The following PDZRN3 variants were observed in gnomAD, a reference collection of about 807,000 sequenced individuals.
The protein encoded by PDZRN3 is E3 ubiquitin-protein ligase PDZRN3.
PDZRN3 carries 38 observed loss-of-function variants against 85.7 expected under a neutral mutation model. The observed-to-expected ratio is 0.44, with a 90% CI of 0.34 to 0.58. PDZRN3 has a LOEUF of 0.58. PDZRN3 is among the 20% of genes least tolerant of loss of function. The pLI, the probability that PDZRN3 is intolerant of heterozygous loss-of-function variation, is 0.01. For synonymous variants in PDZRN3, 759 were observed against 638.0 expected, an observed-to-expected ratio of 1.19 and a Z score of -2.86; for missense variants, 1,629 against 1,506.4, an observed-to-expected ratio of 1.08 and a Z score of -1.35.
intron 3 of PDZRN3, among the ~76,000 whole-genome samples, chr3:73,451,315 T>C (rs1702856822): frequency 6.6e-6 from 1 of 152,186 alleles, no homozygotes; most frequent in Admixed American, 6.5e-5. Context: ...CAGTCAATAT[T>C]TGTGTTGTTG....
chr3:73,421,322 C>G (rs1025200209), intron 3 of PDZRN3, among the ~76,000 whole-genome samples: 1 of 152,150 alleles, frequency 6.6e-6, no homozygotes, highest in Non-Finnish European at 1.5e-5. Flanking sequence ...GAGACTCTTC[C>G]GGGGTCACTC....
intron 3 of PDZRN3, among the ~76,000 whole-genome samples, chr3:73,596,068 G>T (rs1166459334): frequency 6.6e-6 from 1 of 152,070 alleles, no homozygotes; most frequent in Non-Finnish European, 1.5e-5. Flanking sequence ...GATTAACCTG[G>T]AGTATCTTGT....
At chr3:73,464,021 C>T (rs1198867687) in intron 3 of PDZRN3, among the ~76,000 whole-genome samples, 1 of 151,980 alleles carries the variant, frequency 6.6e-6, no homozygotes, top group Non-Finnish European at 1.5e-5. Context: ...AGTCTTACAC[C>T]GTCTCCCGGG....
chr3:73,509,176 A>G (rs1704118890), intron 3 of PDZRN3, among the ~76,000 whole-genome samples: 1 of 152,168 alleles, frequency 6.6e-6, no homozygotes, highest in Admixed American at 6.5e-5. Flanking sequence ...TCCATTTCTT[A>G]TGTGTTTTGA....
chr3:73,552,893 T>C (rs1701595999), intron 3 of PDZRN3, among the ~76,000 whole-genome samples: 1 of 152,240 alleles, frequency 6.6e-6, no homozygotes, highest in African/African-American at 2.4e-5. Flanking sequence ...TGACTCATCA[T>C]GCAGCTTCAG....
At chr3:73,411,496 G>C (rs889730631) in intron 3 of PDZRN3, among the ~76,000 whole-genome samples, 1 of 152,216 alleles carries the variant, frequency 6.6e-6, no homozygotes, top group African/African-American at 2.4e-5. Context: ...CAGTGGGCTA[G>C]AGGCCGTGTC....
intron 8 of PDZRN3, among the ~76,000 whole-genome samples, chr3:73,386,583 C>CCAGCCTGGTATTTTTATAAATAATA (rs1432564558): frequency 1.3e-5 from 2 of 152,226 alleles, no homozygotes; most frequent in East Asian, 3.9e-4. Context: ...TGGGCTGAAT[C>CCAGCCTGGTATTTTTATAAATAATA]CAGCCTGGTA....
At chr3:73,526,426 C>T (rs946376029) in intron 3 of PDZRN3, among the ~76,000 whole-genome samples, 2 of 152,204 alleles carry the variant, frequency 1.3e-5, no homozygotes, top group African/African-American at 4.8e-5. Context: ...GTTTTCTAAG[C>T]CCCAGCCTTG....
chr3:73,408,315 A>G (rs1352287436), intron 3 of PDZRN3: 17 of 661,440 alleles, frequency 2.6e-5, no homozygotes, highest in Admixed American at 2.0e-4. Flanking sequence ...TTTAGATGAG[A>G]TAACTTACTG....
intron 5 of PDZRN3, among the ~76,000 whole-genome samples, chr3:73,398,751 G>A (rs1027764892): frequency 1.3e-5 from 2 of 152,160 alleles, no homozygotes; most frequent in Non-Finnish European, 2.9e-5. Flanking sequence ...ACCCTCAGCA[G>A]GCACCCTTAT....
chr3:73,560,927 T>G (rs1455971946), intron 3 of PDZRN3, among the ~76,000 whole-genome samples: 1 of 152,128 alleles, frequency 6.6e-6, no homozygotes, highest in Non-Finnish European at 1.5e-5. Context: ...ATTTGCTGGG[T>G]CTAGATGGTA....
intron 3 of PDZRN3, among the ~76,000 whole-genome samples, chr3:73,446,374 C>G (rs1702748690): frequency 1.3e-5 from 2 of 152,232 alleles, no homozygotes; most frequent in African/African-American, 4.8e-5. Context: ...ATACCGTGTG[C>G]TCTATACACC....
chr3:73,593,926 AT>A (rs1293525479), intron 3 of PDZRN3: 1 of 152,104 alleles, frequency 6.6e-6, no homozygotes, highest in Non-Finnish European at 1.5e-5. Context: ...ACCATGTTTT[AT>A]TTTTTTGTTT....
intron 3 of PDZRN3, among the ~76,000 whole-genome samples, chr3:73,473,509 CATT>C (rs1703389280): frequency 1.3e-5 from 2 of 151,106 alleles, no homozygotes; most frequent in African/African-American, 4.9e-5. Flanking sequence ...CCCATTTAAA[CATT>C]ATAGGAATTA....
intron 8 of PDZRN3, among the ~76,000 whole-genome samples, 198 bp downstream of exon 8, chr3:73,387,770 A>G (rs1029922476): frequency 6.6e-6 from 1 of 152,146 alleles, no homozygotes; most frequent in African/African-American, 2.4e-5. Context: ...TGCAGTATAG[A>G]TGCCAGGGTG....
chr3:73,400,040 G>C (rs1701718353), intron 5 of PDZRN3, among the ~76,000 whole-genome samples: 1 of 152,106 alleles, frequency 6.6e-6, no homozygotes, highest in Non-Finnish European at 1.5e-5. Context: ...GTATTGGTAG[G>C]ACAGCATAGA....
rs1257458666 is a variant in PDZRN3, at chr3:73,608,615, C to A, written c.793G>T (p.Gly265Cys). The A allele has an allele frequency of 1.4e-5, 23 of 1,611,528 alleles. No homozygotes were observed. The highest frequency in any genetic ancestry group is 1.9e-5 in the Non-Finnish European group (22 of 1,178,016). The change falls in exon 2 of 10, where the codon GGT becomes TGT. Residue 265 changes from glycine to cysteine, a missense_variant. Coordinates refer to ENST00000263666, the MANE Select transcript of PDZRN3 (RefSeq NM_015009.3). ...DSGSLGFNIIGGRPSVDNHDG... is the reference protein window; with the variant it reads ...DSGSLGFNIICGRPSVDNHDG... ...TAACATACCACACTCGGCCGGCCAC[C>A]AATAATATTGAATCCCAGGGAGCCG...
At chr3:73,444,801 G>C (rs527658641) in intron 3 of PDZRN3, among the ~76,000 whole-genome samples, 2 of 152,324 alleles carry the variant, frequency 1.3e-5, no homozygotes, top group East Asian at 3.9e-4. Flanking sequence ...TTGTGGAAAA[G>C]GCACAATCTG....
At chr3:73,471,523 T>C (rs6762160) in intron 3 of PDZRN3, among the ~76,000 whole-genome samples, 48,827 of 152,130 alleles carry the variant, frequency 0.32, 10,935 homozygotes, top group African/African-American at 0.64. Context: ...ACCAAGTGTT[T>C]TGAGGTGGCT....
Sources: gnomAD v4.1 joint callset for allele counts (sites outside exome capture counted in the v4.1 genomes callset) on GRCh38, gnomAD v4.1.1 for gene constraint, MANE v1.5 for transcripts, NCBI Gene and HGNC (gene_info 2026-07-23, HGNC 2026-07-21) for gene names.